The following PCDH9 variants were observed in gnomAD, a reference collection of about 807,000 sequenced individuals.
The protein encoded by PCDH9 is protocadherin 9.
A neutral mutation model predicts 70.6 loss-of-function variants in PCDH9; 24 were observed. That is an observed-to-expected ratio of 0.34 (90% CI 0.25 to 0.48). The LOEUF (loss-of-function observed/expected upper bound fraction) is 0.48, where lower values mean the gene tolerates loss of function less well. PCDH9 is among the 20% of genes least tolerant of loss of function. The probability of loss-of-function intolerance (pLI) is 0.99; values close to 1 mark genes in which losing one functional copy is unlikely to be tolerated. For synonymous variants in PCDH9, 562 were observed against 558.5 expected (o/e 1.01, Z -0.09); for missense variants, 1,281 against 1,503.6 (o/e 0.85, Z 2.45).
At chr13:66,982,004 G>T (rs1373242268) in intron 2 of PCDH9, among the ~76,000 whole-genome samples, 1 of 152,126 alleles carries the variant, frequency 6.6e-6, no homozygotes, top group Non-Finnish European at 1.5e-5. Flanking sequence ...TGGAGGTAGG[G>T]TCTAGTGAGA....
At chr13:66,773,858 A>G (rs2079849228) in intron 3 of PCDH9, among the ~76,000 whole-genome samples, 1 of 150,786 alleles carries the variant, frequency 6.6e-6, no homozygotes, top group South Asian at 2.1e-4. Flanking sequence ...GCTCACTGCA[A>G]CCTCTGCCTC....
chr13:66,901,349 A>C (rs1355311882), intron 3 of PCDH9, among the ~76,000 whole-genome samples: 4 of 151,908 alleles, frequency 2.6e-5, no homozygotes, highest in African/African-American at 7.2e-5. Flanking sequence ...TTTAACACAG[A>C]AAGATATTTA....
intron 3 of PCDH9, among the ~76,000 whole-genome samples, chr13:66,645,365 A>T (rs1438524720): frequency 6.6e-6 from 1 of 152,122 alleles, no homozygotes. Flanking sequence ...GTAAAAGAAG[A>T]AGTTGAAAAT....
intron 2 of PCDH9, among the ~76,000 whole-genome samples, chr13:67,199,565 G>A (rs993991270): frequency 3.3e-5 from 5 of 151,912 alleles, no homozygotes; most frequent in African/African-American, 1.2e-4. Context: ...AAACATGTGG[G>A]CAAAATCTTT....
At chr13:66,632,538 C>G (rs2077585110) in intron 3 of PCDH9, among the ~76,000 whole-genome samples, 5 of 152,084 alleles carry the variant, frequency 3.3e-5, no homozygotes, top group Admixed American at 3.3e-4. Flanking sequence ...CAGATGTGAC[C>G]TAAAGTGTAT....
chr13:67,027,809 C>T (rs2084817690), intron 2 of PCDH9, among the ~76,000 whole-genome samples: 1 of 131,036 alleles, frequency 7.6e-6, no homozygotes, highest in South Asian at 2.9e-4. Flanking sequence ...CCAAAAGACA[C>T]ATGAAAAAAT....
intron 3 of PCDH9, among the ~76,000 whole-genome samples, chr13:66,866,838 G>C (rs912604362): frequency 6.6e-6 from 1 of 152,090 alleles, no homozygotes; most frequent in Non-Finnish European, 1.5e-5. Flanking sequence ...TTGCTCACAT[G>C]TATGTGGATA....
intron 4 of PCDH9, among the ~76,000 whole-genome samples, chr13:66,594,275 G>A (rs1006138730): frequency 6.6e-6 from 1 of 151,550 alleles, no homozygotes; most frequent in African/African-American, 2.4e-5. Flanking sequence ...AAGGCAAAAA[G>A]CAAAGAAAAC....
intron 2 of PCDH9, among the ~76,000 whole-genome samples, chr13:67,163,624 C>G (rs2088024874): frequency 6.6e-6 from 1 of 152,164 alleles, no homozygotes; most frequent in Non-Finnish European, 1.5e-5. Flanking sequence ...ATTCATATGC[C>G]AGAGCAGACC....
At chr13:66,363,665 C>T (rs1015030991) in intron 4 of PCDH9, among the ~76,000 whole-genome samples, 2 of 152,084 alleles carry the variant, frequency 1.3e-5, no homozygotes, top group African/African-American at 4.8e-5. Context: ...TATGTAAAAT[C>T]CAGATGGCAG....
At chr13:67,121,525 G>A (rs1481258716) in intron 2 of PCDH9, among the ~76,000 whole-genome samples, 1 of 152,052 alleles carries the variant, frequency 6.6e-6, no homozygotes, top group Non-Finnish European at 1.5e-5. Context: ...TACAGTGTTT[G>A]TCCTTGCCCT....
chr13:66,724,371 C>A (rs892164675), intron 3 of PCDH9, among the ~76,000 whole-genome samples: 2 of 152,162 alleles, frequency 1.3e-5, no homozygotes, highest in Non-Finnish European at 2.9e-5. Flanking sequence ...GAAAACCATA[C>A]CCCTGCTTCA....
At chr13:66,321,890 C>T (rs542072343) in intron 4 of PCDH9, among the ~76,000 whole-genome samples, 27 of 151,850 alleles carry the variant, frequency 1.8e-4, no homozygotes, top group Admixed American at 3.3e-4. Flanking sequence ...CCTTGCTTGA[C>T]ACCCCAGGGT....
chr13:66,825,390 G>A (rs542101350), intron 3 of PCDH9, among the ~76,000 whole-genome samples: 32 of 135,230 alleles, frequency 2.4e-4, no homozygotes, highest in African/African-American at 8.4e-4. Context: ...AGGCTGGAGT[G>A]CAGTGGCGCG....
At chr13:66,679,636 T>C (rs1317588826) in intron 3 of PCDH9, among the ~76,000 whole-genome samples, 1 of 151,948 alleles carries the variant, frequency 6.6e-6, no homozygotes, top group Non-Finnish European at 1.5e-5. Context: ...TTTGTATGAA[T>C]ATAGCAATGT....
Position 66,736,516 on chromosome 13 carries a change from GT to G in PCDH9, c.3139-105106del, listed in dbSNP as rs201780943. On this transcript the variant is annotated intron_variant, in intron 3 of 4. Transcript: ENST00000377865. ...AAGAACTGTTAGAAAATAAATTTCTGTTGTTTAAGCCACCCAGTCTTCTTTT... is the reference window on the plus strand; with the variant it reads ...AAGAACTGTTAGAAAATAAATTTCTGTGTTTAAGCCACCCAGTCTTCTTTT... 5.4e-3 allele frequency among the ~76,000 whole-genome samples: 822 copies of G among 152,274 alleles called. 7 individuals carry two copies. The highest frequency in any genetic ancestry group is 0.019 in the African/African-American group (782 of 41,556).
At chr13:66,428,378 T>G (rs1465831741) in intron 4 of PCDH9, among the ~76,000 whole-genome samples, 1 of 151,722 alleles carries the variant, frequency 6.6e-6, no homozygotes, top group Non-Finnish European at 1.5e-5. Flanking sequence ...TACTAAAATA[T>G]GTACTATCCA....
chr13:66,354,940 G>A (rs1225974082), intron 4 of PCDH9, among the ~76,000 whole-genome samples: 4 of 152,098 alleles, frequency 2.6e-5, no homozygotes, highest in African/African-American at 9.7e-5. Flanking sequence ...CATACAAGTT[G>A]CTAAAACCCA....
intron 3 of PCDH9, among the ~76,000 whole-genome samples, chr13:66,733,411 T>C (rs2079102307): frequency 6.6e-6 from 1 of 152,190 alleles, no homozygotes; most frequent in Non-Finnish European, 1.5e-5. Flanking sequence ...CCACACTAAT[T>C]ATTTTTGATG....
Sources: allele counts gnomAD v4.1 joint callset (sites outside exome capture counted in the v4.1 genomes callset), GRCh38; gene constraint gnomAD v4.1.1; transcripts MANE v1.5; gene names NCBI Gene and HGNC (gene_info 2026-07-23, HGNC 2026-07-21).